Variants in BTBD9 observed in about 807,000 individuals in gnomAD.
The protein encoded by BTBD9 is BTB/POZ domain-containing protein 9.
Under a neutral mutation model 64.3 loss-of-function variants are expected in BTBD9, and 49 were observed. That is an observed-to-expected ratio of 0.76 (90% CI 0.61 to 0.97). BTBD9 has a LOEUF of 0.97. Ranked by LOEUF, BTBD9 falls within the 50% of genes least tolerant of loss-of-function variation. The probability of loss-of-function intolerance (pLI) is 0.00; values close to 1 mark genes in which losing one functional copy is unlikely to be tolerated. For missense variants in BTBD9, 598 were observed against 762.1 expected (o/e 0.78, Z 2.53); for synonymous variants, 260 against 274.7 (o/e 0.95, Z 0.53).
intron 8 of BTBD9, among the ~76,000 whole-genome samples, chr6:38,272,284 G>A (rs1765223651): frequency 6.6e-6 from 1 of 152,206 alleles, no homozygotes; most frequent in Non-Finnish European, 1.5e-5. Context: ...TATAGAGGAA[G>A]ATGACACTAT....
chr6:38,552,217 A>G (rs1172039079), intron 6 of BTBD9, among the ~76,000 whole-genome samples: 1 of 152,196 alleles, frequency 6.6e-6, no homozygotes, highest in African/African-American at 2.4e-5. Flanking sequence ...GGATTTTCCT[A>G]TCTTCAGGCC....
At chr6:38,254,652 C>T (rs1487328163) in intron 9 of BTBD9, among the ~76,000 whole-genome samples, 1 of 152,016 alleles carries the variant, frequency 6.6e-6, no homozygotes, top group Non-Finnish European at 1.5e-5. Flanking sequence ...CAAGTAAGCA[C>T]ATGAAAAGAT....
intron 6 of BTBD9, among the ~76,000 whole-genome samples, chr6:38,480,366 T>C (rs1363201949): frequency 1.3e-5 from 2 of 152,146 alleles, no homozygotes; most frequent in Non-Finnish European, 2.9e-5. Flanking sequence ...CAGTAGCTCA[T>C]CTCTGCCATT....
chr6:38,374,283 G>GTATATATATATATATATATACA (rs57568036), intron 6 of BTBD9, among the ~76,000 whole-genome samples: 1 of 45,472 alleles, frequency 2.2e-5, no homozygotes, highest in Non-Finnish European at 3.4e-5. Context: ...AAAAAAAAAA[G>GTATATATATATATATATATACA]TATATATATA....
At chr6:38,206,016 CACAGG>C (rs1762637362) in intron 9 of BTBD9, among the ~76,000 whole-genome samples, 1 of 151,714 alleles carries the variant, frequency 6.6e-6, no homozygotes, top group South Asian at 2.1e-4. Flanking sequence ...AAAACAGGCC[CACAGG>C]ACAACTAGTC....
At chr6:38,232,005 T>C (rs939803995) in intron 9 of BTBD9, among the ~76,000 whole-genome samples, 12 of 152,240 alleles carry the variant, frequency 7.9e-5, no homozygotes, top group Admixed American at 2.6e-4. Flanking sequence ...CACACCTCTC[T>C]TCCTCCTTCT....
intron 9 of BTBD9, among the ~76,000 whole-genome samples, chr6:38,195,089 A>G (rs1361929873): frequency 6.6e-6 from 1 of 152,166 alleles, no homozygotes; most frequent in African/African-American, 2.4e-5. Context: ...AGGACAAGGA[A>G]ATGAGCATCT....
chr6:38,610,324 T>G (rs1490154020), intron 1 of BTBD9, among the ~76,000 whole-genome samples: 1 of 152,208 alleles, frequency 6.6e-6, no homozygotes, highest in Non-Finnish European at 1.5e-5. Flanking sequence ...GCTGTAGCCA[T>G]GGTAAATCTA....
At chr6:38,606,909 G>A (rs1777449155) in intron 1 of BTBD9, among the ~76,000 whole-genome samples, 1 of 152,086 alleles carries the variant, frequency 6.6e-6, no homozygotes, top group Non-Finnish European at 1.5e-5. Flanking sequence ...GGTTTGTCAA[G>A]GTCCTGAACT....
At chr6:38,565,661 A>T (rs961978607) in intron 6 of BTBD9, among the ~76,000 whole-genome samples, 8 of 152,336 alleles carry the variant, frequency 5.3e-5, no homozygotes, top group African/African-American at 1.9e-4. Flanking sequence ...AATAATGATA[A>T]TGCCCATTGT....
At chr6:38,275,344 A>T (rs899519401) in intron 8 of BTBD9, among the ~76,000 whole-genome samples, 1 of 152,104 alleles carries the variant, frequency 6.6e-6, no homozygotes, top group African/African-American at 2.4e-5. Flanking sequence ...TACAAAAATT[A>T]ATTCAAGATG....
intron 6 of BTBD9, among the ~76,000 whole-genome samples, chr6:38,459,840 A>G (rs1335896698): frequency 6.6e-6 from 1 of 152,176 alleles, no homozygotes; most frequent in Non-Finnish European, 1.5e-5. Context: ...ATTTATTTTA[A>G]AGTAGAAGTC....
chr6:38,364,481 TTG>T (rs1157882669), intron 6 of BTBD9, among the ~76,000 whole-genome samples: 1 of 151,804 alleles, frequency 6.6e-6, no homozygotes, highest in Non-Finnish European at 1.5e-5. Context: ...CTAACAAGAG[TTG>T]TGTTTTATGA....
intron 7 of BTBD9, among the ~76,000 whole-genome samples, chr6:38,321,174 G>A (rs1157825212): frequency 2.0e-5 from 3 of 152,166 alleles, no homozygotes; most frequent in Non-Finnish European, 4.4e-5. Context: ...GGTTTCAAGA[G>A]CTATCACAAA....
In BTBD9 at chr6:38,448,371, G is replaced by A. The variant is rs9380752; in HGVS notation, c.1155-103278C>T. Among the ~76,000 whole-genome samples, 28 of 152,224 alleles carry A rather than the reference G, an allele frequency of 1.8e-4. No homozygotes were observed. The East Asian group carries it at 5.4e-3, about 29-fold the overall frequency. ...GGAGATAAATATTTTTGTAAGCCAA[G>A]GTATAGAGTAAAATTAAACATGGAA... On this transcript the variant is annotated intron_variant, in intron 6 of 10. Coordinates refer to ENST00000481247, the MANE Select transcript of BTBD9 (RefSeq NM_001099272.2).
chr6:38,384,692 A>T (rs950477891), intron 6 of BTBD9, among the ~76,000 whole-genome samples: 4 of 152,180 alleles, frequency 2.6e-5, no homozygotes, highest in African/African-American at 9.7e-5. Flanking sequence ...CTCCTAAATA[A>T]CCTAACATTT....
intron 6 of BTBD9, among the ~76,000 whole-genome samples, chr6:38,564,841 G>A (rs966869279): frequency 9.2e-5 from 14 of 151,980 alleles, no homozygotes; most frequent in Admixed American, 2.6e-4. Context: ...GCAGTGAGCC[G>A]AGATTGCACT....
At chr6:38,249,414 T>C (rs1322613660) in intron 9 of BTBD9, among the ~76,000 whole-genome samples, 2 of 152,066 alleles carry the variant, frequency 1.3e-5, no homozygotes, top group African/African-American at 4.8e-5. Flanking sequence ...CCATGATATC[T>C]GGCTAATTTT....
At chr6:38,233,076 GGATAGTGAGCAAGAATTT>G (rs1763664801) in intron 9 of BTBD9, among the ~76,000 whole-genome samples, 1 of 152,166 alleles carries the variant, frequency 6.6e-6, no homozygotes, top group Non-Finnish European at 1.5e-5. Context: ...TTGATCTTCA[GGATAGTGAGCAAGAATTT>G]GATTTGGATT....
Sources: allele counts gnomAD v4.1 joint callset (sites outside exome capture counted in the v4.1 genomes callset), GRCh38; gene constraint gnomAD v4.1.1; transcripts MANE v1.5; gene names NCBI Gene and HGNC (gene_info 2026-07-23, HGNC 2026-07-21).